Variants in NDUFAF6 observed in about 807,000 individuals in gnomAD.
The protein encoded by NDUFAF6 is NADH dehydrogenase (ubiquinone) complex I, assembly factor 6.
Under a neutral mutation model 40.8 loss-of-function variants are expected in NDUFAF6, and 45 were observed. That is an observed-to-expected ratio of 1.10 (90% CI 0.87 to 1.42). The LOEUF (loss-of-function observed/expected upper bound fraction) is 1.42. NDUFAF6 is among the 40% of genes most tolerant of loss of function. The pLI is 0.00. For missense variants in NDUFAF6, 435 were observed against 418.5 expected (o/e 1.04, Z -0.34); for synonymous variants, 185 against 155.9 (o/e 1.19, Z -1.39).
chr8:94,918,879 C>T (rs957041910), intron 1 of NDUFAF6, among the ~76,000 whole-genome samples: 1 of 152,184 alleles, frequency 6.6e-6, no homozygotes, highest in Non-Finnish European at 1.5e-5. Context: ...TTATTCCTTG[C>T]ATTTGGATAT....
At chr8:95,029,412 CATG>C (rs1828564406) in intron 1 of NDUFAF6, among the ~76,000 whole-genome samples, 5 of 152,268 alleles carry the variant, frequency 3.3e-5, no homozygotes, top group Admixed American at 2.0e-4. Flanking sequence ...AAGATGCAGA[CATG>C]ATACTTCATT....
chr8:95,101,454 G>A (rs373816689), intron 2 of NDUFAF6, among the ~76,000 whole-genome samples: 1 of 152,118 alleles, frequency 6.6e-6, no homozygotes, highest in African/African-American at 2.4e-5. Context: ...GAGACAGGGC[G>A]CTCACAGCTG....
intron 2 of NDUFAF6, among the ~76,000 whole-genome samples, chr8:95,005,526 A>AAAATATATATATATATATATATAT (rs1554657790): frequency 1.4e-4 from 1 of 7,278 alleles, no homozygotes; most frequent in South Asian, 1.8e-3. Flanking sequence ...GGTCCTTTTA[A>AAAATATATATATATATATATATAT]ATATATATAT....
At chr8:95,054,433 C>G (rs1276118466) in intron 8 of NDUFAF6, among the ~76,000 whole-genome samples, 1 of 103,370 alleles carries the variant, frequency 9.7e-6, no homozygotes, top group Non-Finnish European at 1.9e-5. Context: ...TTCTCAGCTT[C>G]TGCTTTTTTT....
At chr8:95,028,319 C>T (rs989568088) in intron 1 of NDUFAF6, among the ~76,000 whole-genome samples, 9 of 152,180 alleles carry the variant, frequency 5.9e-5, no homozygotes, top group Non-Finnish European at 2.9e-5. Context: ...TATGGCATTT[C>T]TCATTATCTG....
downstream of NDUFAF6, among the ~76,000 whole-genome samples, chr8:95,117,068 A>G (rs1271115143): frequency 1.3e-5 from 2 of 152,186 alleles, no homozygotes; most frequent in East Asian, 3.8e-4. Context: ...GCTTCATACT[A>G]ATGGGACTGG....
intron 1 of NDUFAF6, among the ~76,000 whole-genome samples, chr8:94,909,348 CA>C (rs556065794): frequency 6.5e-5 from 6 of 91,914 alleles, no homozygotes; most frequent in South Asian, 3.4e-4. Flanking sequence ...GACTCCGTCT[CA>C]AAAAAAAAAA....
intron 2 of NDUFAF6, among the ~76,000 whole-genome samples, chr8:95,033,403 T>G (rs910569286): frequency 6.6e-6 from 1 of 152,256 alleles, no homozygotes; most frequent in Non-Finnish European, 1.5e-5. Flanking sequence ...CACTTTGTAC[T>G]TCTTTGTACA....
intron 1 of NDUFAF6, among the ~76,000 whole-genome samples, chr8:94,960,445 A>G (rs920479466): frequency 6.6e-6 from 1 of 152,084 alleles, no homozygotes; most frequent in Non-Finnish European, 1.5e-5. Flanking sequence ...GTCTAAGTTC[A>G]TCCGGTGGAA....
At chr8:94,986,179 T>C (rs1253398914) in intron 2 of NDUFAF6, among the ~76,000 whole-genome samples, 1 of 152,198 alleles carries the variant, frequency 6.6e-6, no homozygotes, top group Non-Finnish European at 1.5e-5. Context: ...GGCACAATTT[T>C]CTATTTTTAA....
chr8:95,020,613 G>T (rs554080105), upstream of NDUFAF6, among the ~76,000 whole-genome samples: 19 of 152,334 alleles, frequency 1.2e-4, no homozygotes, highest in Admixed American at 3.9e-4. Flanking sequence ...GCATGTTTGT[G>T]CAGTGCACAC....
rs574495314 is a variant in NDUFAF6 at position 95,100,693 on chromosome 8, A to C, written n.135+165A>C. Among the ~76,000 whole-genome samples the C allele has an allele frequency of 1.1e-4, 17 of 152,364 alleles. No individual in the cohort carries two copies. In the East Asian group the frequency reaches 2.5e-3, roughly 22 times the overall value. On this transcript the variant is annotated intron_variant and non_coding_transcript_variant, in intron 1 of 2. Transcript: ENST00000521063. ...GCAGCTTCCAGTATGATTTATACCC[A>C]GAAACCTTTGCATGAAGATTCTGAC...
intron 7 of NDUFAF6, among the ~76,000 whole-genome samples, chr8:95,051,050 G>A (rs1382272101): frequency 6.6e-6 from 1 of 152,132 alleles, no homozygotes; most frequent in Non-Finnish European, 1.5e-5. Context: ...GGGATTAGAA[G>A]GAGATGGACT....
chr8:95,077,354 C>CT (rs1457625776), downstream of NDUFAF6, among the ~76,000 whole-genome samples: 5 of 152,160 alleles, frequency 3.3e-5, no homozygotes, highest in Non-Finnish European at 1.5e-5. Context: ...TGTTCCGAGA[C>CT]TTCCAATGGA....
At chr8:95,005,902 C>T (rs1235707194) in intron 2 of NDUFAF6, among the ~76,000 whole-genome samples, 1 of 152,094 alleles carries the variant, frequency 6.6e-6, no homozygotes, top group African/African-American at 2.4e-5. Context: ...GGAGACAATG[C>T]AGTTCCAGAA....
Position 95,025,021 on chromosome 8 carries a change from G to A in NDUFAF6, c.13G>A (p.Ala5Thr). The stretch of plus-strand genomic sequence containing the variant: ...CAGTGCCGGCGTCATGGCGGCCTCC[G>A]CGCACGGCTCTGTCTGGGGGCCGTT... MAAS[A>T]HGSVWGPLRL... Residue 5 changes from alanine (A) to threonine (T), a missense_variant, in exon 1 of 9, where the codon GCG becomes ACG. Physicochemically the swap from Ala to Thr is moderately conservative, Grantham distance 58. Coordinates refer to ENST00000396124, the MANE Select transcript of NDUFAF6 (RefSeq NM_152416.4). The A allele has an allele frequency of 2.2e-6, 3 of 1,349,984 alleles. No homozygotes were observed. Among genetic ancestry groups the A allele is most frequent in the Admixed American group, 7.7e-5 (2 of 26,132 alleles). 83.6% of individuals were successfully genotyped at this position (1,349,984 alleles called of 1,614,324 possible). A position where few individuals can be genotyped will look rare whatever the true frequency, so the allele number is the denominator to read the frequency against.
intron 2 of NDUFAF6, among the ~76,000 whole-genome samples, chr8:94,983,528 A>T (rs1825616044): frequency 2.0e-5 from 3 of 152,034 alleles, no homozygotes. Context: ...GGCCTCCCAA[A>T]GTGCTAGGAT....
intron 1 of NDUFAF6, among the ~76,000 whole-genome samples, chr8:94,967,488 T>G (rs1824099275): frequency 6.6e-6 from 1 of 152,196 alleles, no homozygotes; most frequent in South Asian, 2.1e-4. Flanking sequence ...CCAGAGATAA[T>G]GACAGAGATC....
intron 2 of NDUFAF6, among the ~76,000 whole-genome samples, chr8:95,015,734 C>T (rs915219512): frequency 3.3e-5 from 5 of 152,148 alleles, no homozygotes; most frequent in Admixed American, 2.0e-4. Context: ...TAGCAATGAA[C>T]ATACAATACA....
Sources: allele counts gnomAD v4.1 joint callset (sites outside exome capture counted in the v4.1 genomes callset), GRCh38; gene constraint gnomAD v4.1.1; transcripts MANE v1.5; gene names NCBI Gene and HGNC (gene_info 2026-07-23, HGNC 2026-07-21).